The following ASAP3 variants were observed in gnomAD, a reference collection of about 807,000 sequenced individuals.
The protein encoded by ASAP3 is arf-GAP with SH3 domain, ANK repeat and PH domain-containing protein 3.
A neutral mutation model predicts 118.2 loss-of-function variants in ASAP3; 85 were observed. That is an observed-to-expected ratio of 0.72 (90% CI 0.60 to 0.86). The LOEUF (loss-of-function observed/expected upper bound fraction) is 0.86. Ranked by LOEUF, ASAP3 falls within the 40% of genes least tolerant of loss-of-function variation. The pLI is 0.00. For missense variants in ASAP3, 1,026 were observed against 1,175.0 expected (o/e 0.87, Z 1.85); for synonymous variants, 432 against 477.4 (o/e 0.90, Z 1.24).
Position 23,442,229 on chromosome 1 carries a change from C to T in ASAP3, c.628G>A (p.Asp210Asn). Residue 210 changes from aspartate to asparagine, a missense_variant, in exon 7 of 25, where the codon GAC becomes AAC. Physicochemically the swap from Asp to Asn is conservative, Grantham distance 23. Coordinates refer to ENST00000336689, the MANE Select transcript of ASAP3 (RefSeq NM_017707.4). ...AGESQMKQGP[D>N]FLQSLIKFFH... ...AACTTGATGAGGCTCTGAAGGAAGTCAGGACCTTGCTTCATCTGGCTCTCC... is the reference window on the plus strand; with the variant it reads ...AACTTGATGAGGCTCTGAAGGAAGTTAGGACCTTGCTTCATCTGGCTCTCC... 2.5e-6 allele frequency: 4 copies of T among 1,607,868 alleles called. No individual in the cohort carries two copies. The East Asian group carries it at 6.7e-5, about 27-fold the overall frequency.
At chr1:23,481,207 A>T (rs747379197) in intron 1 of ASAP3, among the ~76,000 whole-genome samples, 9 of 152,144 alleles carry the variant, frequency 5.9e-5, no homozygotes, top group Non-Finnish European at 1.3e-4. Flanking sequence ...CTGACATTCT[A>T]GTTTCCTGTG....
chr1:23,447,598 A>G (rs1014918238), intron 5 of ASAP3, among the ~76,000 whole-genome samples: 16 of 152,198 alleles, frequency 1.1e-4, no homozygotes, highest in Non-Finnish European at 1.6e-4. Context: ...AGGAAACAGT[A>G]CAGTTCCTGG....
intron 1 of ASAP3, among the ~76,000 whole-genome samples, chr1:23,457,865 A>G (rs1463462504): frequency 6.6e-6 from 1 of 152,218 alleles, no homozygotes; most frequent in African/African-American, 2.4e-5. Flanking sequence ...TAAAATGGGG[A>G]AATCGATGCC....
intron 1 of ASAP3, among the ~76,000 whole-genome samples, chr1:23,481,348 A>G (rs1270369234): frequency 2.0e-5 from 3 of 152,234 alleles, no homozygotes; most frequent in Non-Finnish European, 2.9e-5. Context: ...ATTTTGATTC[A>G]GTCAAATAGA....
intron 1 of ASAP3, among the ~76,000 whole-genome samples, chr1:23,462,093 G>A (rs1036237206): frequency 2.4e-4 from 37 of 151,032 alleles, no homozygotes; most frequent in Non-Finnish European, 3.4e-4. Context: ...GCACAATCTC[G>A]GCTCACTGCA....
At position 23,437,289 on chromosome 1, in the gene ASAP3, CG is replaced by C; in HGVS notation, c.1182del (p.Asp394GlufsTer4). On this transcript the variant is annotated frameshift_variant, in exon 14 of 25. Transcript: ENST00000336689. LOFTEE classifies it high-confidence loss of function. This position sits in a 1 kb window ranked among gnomAD's most constrained non-coding sequence, Gnocchi z 6.1. Reference sequence around the variant, plus strand: ...CCGAGGAAGGCGCTGCTCAGGGCTTCGTCCTTGCTGTTCTGCAACACTGACA... The same window carrying C: ...CCGAGGAAGGCGCTGCTCAGGGCTTCTCCTTGCTGTTCTGCAACACTGACA... ...AWVSVLQNSK[D>X]EALSSAFLGE... The C allele has an allele frequency of 6.2e-7, 1 of 1,607,158 alleles. No individual in the cohort carries two copies. Among genetic ancestry groups the C allele is most frequent in the Non-Finnish European group, 8.5e-7 (1 of 1,176,928 alleles).
chr1:23,450,620 T>A (rs1437939405), intron 5 of ASAP3, among the ~76,000 whole-genome samples: 1 of 151,754 alleles, frequency 6.6e-6, no homozygotes, highest in Non-Finnish European at 1.5e-5. Flanking sequence ...AAAAAAAAAA[T>A]TCAAACAACA....
At chr1:23,440,385 C>T (rs1404137542) in intron 10 of ASAP3, among the ~76,000 whole-genome samples, 5 of 146,510 alleles carry the variant, frequency 3.4e-5, no homozygotes, top group Non-Finnish European at 1.5e-5. Flanking sequence ...CCTGTAGTCC[C>T]AGCTACTCGG....
rs1640681968 is a variant in ASAP3 at position 23,436,895 on chromosome 1, C to T, written c.1476+16G>A. ...ACTCCGCTTCTGGCCCCTTCCAGGC[C>T]CCGCCCCGCCCTCACCAACAACTCG... is the stretch of plus-strand genomic sequence containing the variant. On this transcript the variant is annotated intron_variant, in intron 15 of 24. Transcript: ENST00000336689. This position sits in a 1 kb window ranked among gnomAD's most constrained non-coding sequence, Gnocchi z 4.2. 1 of 1,606,900 alleles carries T rather than the reference C, an allele frequency of 6.2e-7. No individual in the cohort carries two copies.
intron 3 of ASAP3, among the ~76,000 whole-genome samples, chr1:23,453,039 G>A (rs1395191592): frequency 6.6e-6 from 1 of 152,124 alleles, no homozygotes; most frequent in Non-Finnish European, 1.5e-5. Flanking sequence ...CTGTGTGAAA[G>A]GGGGCAGGAG....
intron 1 of ASAP3, among the ~76,000 whole-genome samples, chr1:23,461,413 G>A (rs894817233): frequency 4.6e-5 from 7 of 152,104 alleles, no homozygotes; most frequent in Non-Finnish European, 1.0e-4. Flanking sequence ...GCTCACGGCT[G>A]TAATCTCACA....
chr1:23,443,281 T>C (rs993817495), intron 5 of ASAP3, among the ~76,000 whole-genome samples: 1 of 152,214 alleles, frequency 6.6e-6, no homozygotes, highest in Admixed American at 6.5e-5. Context: ...TGGTGAAGCC[T>C]GGGCTTTTAG....
At chr1:23,447,022 A>G (rs1288152545) in intron 5 of ASAP3, among the ~76,000 whole-genome samples, 1 of 152,156 alleles carries the variant, frequency 6.6e-6, no homozygotes, top group African/African-American at 2.4e-5. Context: ...TGGCATGTGA[A>G]GCTCACAATA....
At chr1:23,470,203 T>G (rs12086703) in intron 1 of ASAP3, among the ~76,000 whole-genome samples, 5,781 of 152,204 alleles carry the variant, frequency 0.038, 145 homozygotes, top group Middle Eastern at 0.15. Context: ...GAGCTCTAAA[T>G]CCCCTTCCAG....
chr1:23,483,249 A>G (rs537795210), intron 1 of ASAP3, among the ~76,000 whole-genome samples: 1 of 152,312 alleles, frequency 6.6e-6, no homozygotes, highest in Non-Finnish European at 1.5e-5. Context: ...GGAGCTGCAA[A>G]AACACATTAT....
At position 23,461,975 on chromosome 1, in the gene ASAP3, A is replaced by G. The variant is rs117391753; in HGVS notation, c.130-5781T>C. On this transcript the variant is annotated intron_variant, in intron 1 of 24. Transcript: ENST00000336689. ...GCCACTTGTGGCTGAAACTAGCTCT[A>G]ACTGGTAAAGGGAGACAAGTCACCC... Among the ~76,000 whole-genome samples, 34 of 152,084 alleles carry G rather than the reference A, an allele frequency of 2.2e-4. No homozygotes were observed. The East Asian group carries it at 6.6e-3, about 29-fold the overall frequency.
chr1:23,442,065 T>C (rs1276144042), intron 7 of ASAP3, 121 bp downstream of exon 7: 13 of 1,072,506 alleles, frequency 1.2e-5, no homozygotes, highest in Non-Finnish European at 1.8e-5. Flanking sequence ...TGAGGAACTA[T>C]GAAAGTTCTG....
At chr1:23,474,143 T>C (rs181393167) in intron 1 of ASAP3, among the ~76,000 whole-genome samples, 6 of 152,046 alleles carry the variant, frequency 3.9e-5, no homozygotes, top group African/African-American at 1.2e-4. Context: ...AATTTTTGTA[T>C]TTTTAGTAGA....
upstream of ASAP3, chr1:23,484,219 G>A: frequency 8.4e-7 from 1 of 1,189,794 alleles, no homozygotes; most frequent in Non-Finnish European, 1.0e-6. Flanking sequence ...GCCGGCCGGG[G>A]GCGCCGTCCC....
Sources: allele counts gnomAD v4.1 joint callset (sites outside exome capture counted in the v4.1 genomes callset), GRCh38; gene constraint gnomAD v4.1.1; non-coding constraint Gnocchi (gnomAD v3.1); transcripts MANE v1.5; gene names NCBI Gene and HGNC (gene_info 2026-07-23, HGNC 2026-07-21).